TEX36: variants seen among roughly 807,000 people sequenced by gnomAD.
TEX36 encodes the protein testis-expressed protein 36.
TEX36 carries 12 observed loss-of-function variants against 13.6 expected under a neutral mutation model. That is an observed-to-expected ratio of 0.88 (90% CI 0.56 to 1.43). The LOEUF is 1.43. TEX36 is among the 40% of genes most tolerant of loss of function. TEX36 has a pLI of 0.00. For synonymous variants in TEX36, 93 were observed against 83.0 expected, an observed-to-expected ratio of 1.12 and a Z score of -0.65; for missense variants, 224 against 228.3, an observed-to-expected ratio of 0.98 and a Z score of 0.12.
At chr10:125,622,302 T>C (rs925874342) in intron 3 of TEX36, among the ~76,000 whole-genome samples, 1 of 152,230 alleles carries the variant, frequency 6.6e-6, no homozygotes, top group African/African-American at 2.4e-5. Flanking sequence ...AAATTTTATG[T>C]TACATGATAA....
exon 4 of TEX36, chr10:125,576,618 G>C: frequency 1.6e-6 from 2 of 1,259,572 alleles, no homozygotes; most frequent in Non-Finnish European, 2.1e-6. Flanking sequence ...ATTTTTCCAA[G>C]AATGCTGAAT....
intron 3 of TEX36, among the ~76,000 whole-genome samples, chr10:125,632,159 A>G (rs1424904857): frequency 6.6e-6 from 1 of 152,046 alleles, no homozygotes; most frequent in East Asian, 1.9e-4. Flanking sequence ...TGGTGACTAC[A>G]TAGATGGCAG....
At chr10:125,576,989 C>A in intron 3 of TEX36, 1 of 1,357,058 alleles carries the variant, frequency 7.4e-7, no homozygotes, top group African/African-American at 1.4e-5. Context: ...TTTAAAAACA[C>A]CCCAGAGAAG....
intron 3 of TEX36, among the ~76,000 whole-genome samples, chr10:125,646,123 G>A (rs1447195462): frequency 6.6e-6 from 1 of 152,188 alleles, no homozygotes; most frequent in African/African-American, 2.4e-5. Flanking sequence ...GAGCTCAGGA[G>A]TTTGAGACCA....
chr10:125,664,117 A>T (rs575410037), intron 1 of TEX36, among the ~76,000 whole-genome samples: 1 of 152,244 alleles, frequency 6.6e-6, no homozygotes, highest in African/African-American at 2.4e-5. Flanking sequence ...TACCTGGCTT[A>T]TTTTACTTAA....
At chr10:125,644,056 TAAC>T (rs1846730785) in intron 3 of TEX36, among the ~76,000 whole-genome samples, 1 of 151,852 alleles carries the variant, frequency 6.6e-6, no homozygotes, top group South Asian at 2.1e-4. Flanking sequence ...TGGAGAAAAA[TAAC>T]AAGCTATAGA....
At chr10:125,625,036 C>T (rs549579905) in intron 3 of TEX36, among the ~76,000 whole-genome samples, 2 of 152,278 alleles carry the variant, frequency 1.3e-5, no homozygotes, top group South Asian at 4.1e-4. Flanking sequence ...ATTGAGATGG[C>T]AATCTCTCCA....
chr10:125,582,254 T>C (rs7079684), intron 3 of TEX36, among the ~76,000 whole-genome samples: 97,743 of 152,122 alleles, frequency 0.64, 33,257 homozygotes, highest in African/African-American at 0.86. Context: ...TGAGTTTCAC[T>C]TCAGTGATGT....
intron 1 of TEX36, chr10:125,667,887 G>A (rs3740185): frequency 0.038 from 57,591 of 1,503,338 alleles, 2,364 homozygotes; most frequent in South Asian, 0.16. Context: ...GCCACGATGC[G>A]GTGAGCGATG....
chr10:125,656,001 A>C lies in TEX36; in HGVS notation c.460T>G (p.Phe154Val). ...TAGCTTCTCTCAGGAAGAAATGTAAAAGCGTTCCATATCTCTTTATAGCAT... is the reference window on the plus strand; with the variant it reads ...TAGCTTCTCTCAGGAAGAAATGTAACAGCGTTCCATATCTCTTTATAGCAT... ...PRCYKEIWNA[F>V]TFLPERSYTE... Residue 154 changes from phenylalanine (F) to valine (V), a missense_variant, in exon 4 of 4, where the codon TTT becomes GTT. Physicochemically the swap from Phe to Val is conservative, Grantham distance 50. Transcript: ENST00000368821. 2 of 1,551,892 alleles carry C rather than the reference A, an allele frequency of 1.3e-6. No homozygotes were observed. Among genetic ancestry groups the C allele is most frequent in the Non-Finnish European group, 1.7e-6 (2 of 1,146,990 alleles).
intron 1 of TEX36, among the ~76,000 whole-genome samples, chr10:125,664,095 T>C (rs1172773278): frequency 6.6e-6 from 1 of 152,240 alleles, no homozygotes; most frequent in Non-Finnish European, 1.5e-5. Flanking sequence ...ATGTGAAAAG[T>C]TTGCCTTTCT....
chr10:125,633,064 C>T (rs1005858943), intron 3 of TEX36, among the ~76,000 whole-genome samples: 11 of 152,058 alleles, frequency 7.2e-5, no homozygotes, highest in East Asian at 1.9e-4. Flanking sequence ...GTAGAGGTTG[C>T]GGTCAGCCGA....
At chr10:125,595,252 A>G (rs1846065980) in intron 3 of TEX36, among the ~76,000 whole-genome samples, 1 of 152,164 alleles carries the variant, frequency 6.6e-6, no homozygotes, top group South Asian at 2.1e-4. Flanking sequence ...AGGCCTGCAA[A>G]TAATAAATAG....
In TEX36 at chr10:125,661,938, T is replaced by C. The variant is rs1369020255; in HGVS notation, c.91A>G (p.Ile31Val). ...IGLTQKTPES[I>V]TSATSKEPQS... ...GGCTCTTTTGACGTAGCACTGGTGA[T>C]GGATTCTGGTGTCTTTTGCGTTAGC... The change falls in exon 2 of 4, where the codon ATC becomes GTC. Residue 31 changes from isoleucine to valine, a missense_variant. Transcript: ENST00000368821. The C allele has an allele frequency of 1.3e-6, 2 of 1,552,210 alleles. No homozygotes were observed. The highest frequency in any genetic ancestry group is 2.7e-5 in the African/African-American group (2 of 73,030).
intron 3 of TEX36, among the ~76,000 whole-genome samples, chr10:125,592,123 C>T (rs1846027729): frequency 6.6e-6 from 1 of 152,196 alleles, no homozygotes; most frequent in Non-Finnish European, 1.5e-5. Flanking sequence ...TCTGTTTGAG[C>T]ACTGGTTTAT....
intron 3 of TEX36, among the ~76,000 whole-genome samples, chr10:125,635,932 G>A (rs1185960409): frequency 6.6e-6 from 1 of 151,974 alleles, no homozygotes; most frequent in Non-Finnish European, 1.5e-5. Flanking sequence ...CGAGTGCAGT[G>A]ACACAATCAT....
At chr10:125,673,746 A>ACC (rs774904558) in intron 1 of TEX36, among the ~76,000 whole-genome samples, 1 of 144,382 alleles carries the variant, frequency 6.9e-6, no homozygotes. Flanking sequence ...TTGAATATTG[A>ACC]CCCCCAGTCT....
intron 3 of TEX36, among the ~76,000 whole-genome samples, chr10:125,635,084 T>C (rs565159878): frequency 2.6e-4 from 39 of 152,280 alleles, no homozygotes; most frequent in African/African-American, 9.1e-4. Flanking sequence ...CTTGGTTTTC[T>C]GGGAACTAGC....
intron 3 of TEX36, among the ~76,000 whole-genome samples, chr10:125,639,795 T>C (rs1846663353): frequency 6.6e-6 from 1 of 152,242 alleles, no homozygotes; most frequent in African/African-American, 2.4e-5. Context: ...TTGCTTTCAA[T>C]ACAAAATATT....
Sources: allele counts gnomAD v4.1 joint callset (sites outside exome capture counted in the v4.1 genomes callset), GRCh38; gene constraint gnomAD v4.1.1; transcripts MANE v1.5; gene names NCBI Gene and HGNC (gene_info 2026-07-23, HGNC 2026-07-21).